The following SEMA4D variants were observed in gnomAD, a reference collection of about 807,000 sequenced individuals.
The protein encoded by SEMA4D is semaphorin-4D.
In SEMA4D, 22 loss-of-function variants were observed where a neutral mutation model predicts 74.8. That is an observed-to-expected ratio of 0.29 (90% CI 0.21 to 0.42). SEMA4D has a LOEUF of 0.42. SEMA4D is among the 10% of genes least tolerant of loss of function. SEMA4D has a pLI of 1.00. For missense variants in SEMA4D, 937 were observed against 1,118.4 expected, an observed-to-expected ratio of 0.84 and a Z score of 2.31; for synonymous variants, 445 against 463.7, an observed-to-expected ratio of 0.96 and a Z score of 0.52.
rs576292372 is a variant in SEMA4D at position 89,392,324 on chromosome 9, G to A, written c.622+99C>T. 127 of 897,338 alleles carry A rather than the reference G, an allele frequency of 1.4e-4. No individual in the cohort carries two copies. In the East Asian group the frequency reaches 2.6e-3, roughly 18 times the overall value. The allele number at this position is 897,338 out of a possible 1,614,324, so 55.6% of individuals were successfully genotyped here. On this transcript the variant is annotated intron_variant, in intron 8 of 15. Coordinates refer to ENST00000422704, the MANE Select transcript of SEMA4D (RefSeq NM_001371194.2). Reference sequence around the variant, plus strand: ...CACAAACAGGGGCTAACACAAGCTCGGGGGCCCCCAGGGCTCAGAGACAGA... The same window carrying A: ...CACAAACAGGGGCTAACACAAGCTCAGGGGCCCCCAGGGCTCAGAGACAGA...
intron 16 of SEMA4D, among the ~76,000 whole-genome samples, chr9:89,371,725 TGTCTGGG>T (rs2132468477): frequency 1.2e-5 from 1 of 83,724 alleles, no homozygotes; most frequent in African/African-American, 5.3e-5. Context: ...GTGTGGTGTG[TGTCTGGG>T]GTGTGGTGTG....
intron 1 of SEMA4D, among the ~76,000 whole-genome samples, chr9:89,457,246 G>A (rs1001284244): frequency 6.6e-6 from 1 of 152,130 alleles, no homozygotes; most frequent in Non-Finnish European, 1.5e-5. Flanking sequence ...CCTGACAGGT[G>A]GGGAGCAGAC....
intron 2 of SEMA4D, among the ~76,000 whole-genome samples, chr9:89,438,002 CAGGGGT>C (rs1265379302): frequency 6.6e-6 from 1 of 152,200 alleles, no homozygotes; most frequent in Non-Finnish European, 1.5e-5. Flanking sequence ...TAATAACCTA[CAGGGGT>C]AGGGATAGAA....
At position 89,492,343 on chromosome 9, in the gene SEMA4D, G is replaced by A. The variant is rs926341827; in HGVS notation, c.-310+5576C>T. Among the ~76,000 whole-genome samples, 1 of 152,072 alleles carries A rather than the reference G, an allele frequency of 6.6e-6. No individual in the cohort carries two copies. Among genetic ancestry groups the A allele is most frequent in the Non-Finnish European group, 1.5e-5 (1 of 68,018 alleles). Reference sequence around the variant, plus strand: ...GCTGGCCGCACCTTCTTGGTTTCTTGTTCCAGGCTCAGTCCTCGGACCTCT... The same window carrying A: ...GCTGGCCGCACCTTCTTGGTTTCTTATTCCAGGCTCAGTCCTCGGACCTCT... On this transcript the variant is annotated intron_variant, in intron 1 of 15. Coordinates refer to ENST00000422704, the MANE Select transcript of SEMA4D (RefSeq NM_001371194.2). This position sits in a 1 kb window ranked among gnomAD's most constrained non-coding sequence, Gnocchi z 4.3.
chr9:89,489,923 A>T (rs774995092), intron 1 of SEMA4D, among the ~76,000 whole-genome samples: 1 of 152,236 alleles, frequency 6.6e-6, no homozygotes, highest in Non-Finnish European at 1.5e-5. Context: ...AGGAATCTCC[A>T]AACTTTTTTC....
chr9:89,438,279 G>T (rs1850898137), intron 2 of SEMA4D, among the ~76,000 whole-genome samples: 2 of 152,382 alleles, frequency 1.3e-5, no homozygotes, highest in African/African-American at 4.8e-5. Context: ...GTGAAGGGCT[G>T]GGGGCCTCAG....
At chr9:89,363,935 C>A in exon 17 of SEMA4D, 2 of 1,614,094 alleles carry the variant, frequency 1.2e-6, no homozygotes, top group Non-Finnish European at 8.5e-7. Context: ...CCAGACAAAG[C>A]GAATGTCTGC....
intron 2 of SEMA4D, among the ~76,000 whole-genome samples, chr9:89,439,535 T>C (rs536650253): frequency 9.2e-5 from 14 of 152,352 alleles, no homozygotes; most frequent in African/African-American, 3.1e-4. Context: ...GCATTTCTTC[T>C]ATGATTAAAG....
intron 1 of SEMA4D, among the ~76,000 whole-genome samples, chr9:89,467,115 G>C (rs1858931811): frequency 6.6e-6 from 1 of 152,184 alleles, no homozygotes; most frequent in Admixed American, 6.5e-5. Flanking sequence ...GACTAGATGT[G>C]GGCACTCCTG....
chr9:89,378,645 A>G lies in SEMA4D; in HGVS notation c.*59T>C. ...TCGGATACTGAACAGGAGAAACACAAAACTCTCCACGCCTGGACACGTCGC... is the reference window on the plus strand; with the variant it reads ...TCGGATACTGAACAGGAGAAACACAGAACTCTCCACGCCTGGACACGTCGC... On this transcript the variant is annotated 3_prime_UTR_variant, in exon 16 of 16. Coordinates refer to ENST00000422704, the MANE Select transcript of SEMA4D (RefSeq NM_001371194.2). The G allele has an allele frequency of 7.3e-7, 1 of 1,377,646 alleles. No homozygotes were observed. The highest frequency in any genetic ancestry group is 1.4e-5 in the African/African-American group (1 of 70,530). The allele number at this position is 1,377,646 out of a possible 1,614,324, so 85.3% of individuals were successfully genotyped here.
downstream of SEMA4D, chr9:89,376,761 C>G (rs916892702): frequency 4.0e-6 from 6 of 1,492,316 alleles, no homozygotes; most frequent in African/African-American, 8.3e-5. Context: ...GTGGAGGATG[C>G]CCCCGCCCGC....
At chr9:89,487,323 T>C (rs1825272580) in intron 1 of SEMA4D, among the ~76,000 whole-genome samples, 1 of 152,062 alleles carries the variant, frequency 6.6e-6, no homozygotes, top group East Asian at 1.9e-4. Flanking sequence ...AAAAAGTATA[T>C]GAGGAAATTC....
chr9:89,475,693 C>T (rs1377361389), intron 1 of SEMA4D, among the ~76,000 whole-genome samples: 6 of 152,204 alleles, frequency 3.9e-5, no homozygotes, highest in Non-Finnish European at 7.3e-5. Context: ...TCTCCCGCCT[C>T]GCTGTGACTG....
intron 2 of SEMA4D, among the ~76,000 whole-genome samples, chr9:89,408,504 G>C (rs1843781042): frequency 6.6e-6 from 1 of 152,200 alleles, no homozygotes; most frequent in African/African-American, 2.4e-5. Context: ...ATGATCCCCT[G>C]GCATTTTAAG....
intron 2 of SEMA4D, chr9:89,450,818 CTG>C (rs59427877): frequency 0.068 from 48,070 of 710,610 alleles, 2,902 homozygotes; most frequent in East Asian, 0.27. Context: ...ACCCTAGACT[CTG>C]TGAAGTGCAG....
intron 16 of SEMA4D, among the ~76,000 whole-genome samples, chr9:89,371,728 C>G (rs201477427): frequency 2.5e-5 from 1 of 40,136 alleles, no homozygotes; most frequent in African/African-American, 1.2e-4. Context: ...TGGTGTGTGT[C>G]TGGGGTGTGG....
chr9:89,461,343 C>T (rs892109342), intron 1 of SEMA4D, among the ~76,000 whole-genome samples: 6 of 152,296 alleles, frequency 3.9e-5, no homozygotes, highest in South Asian at 4.2e-4. Context: ...CCCAACAAAA[C>T]GTTTCACCCC....
intron 2 of SEMA4D, among the ~76,000 whole-genome samples, chr9:89,446,747 G>A (rs1211436078): frequency 6.6e-6 from 1 of 152,182 alleles, no homozygotes; most frequent in Non-Finnish European, 1.5e-5. Flanking sequence ...ACTGAGGCAT[G>A]AAAGGGGGGT....
chr9:89,395,435 A>C (rs1319005798), intron 6 of SEMA4D, among the ~76,000 whole-genome samples: 2 of 152,188 alleles, frequency 1.3e-5, no homozygotes. Context: ...AAAAAAAAAA[A>C]AAAATTAGGA....
Sources: allele counts gnomAD v4.1 joint callset (sites outside exome capture counted in the v4.1 genomes callset), GRCh38; gene constraint gnomAD v4.1.1; non-coding constraint Gnocchi (gnomAD v3.1); transcripts MANE v1.5; gene names NCBI Gene and HGNC (gene_info 2026-07-23, HGNC 2026-07-21).